UMODL1: variants seen among roughly 807,000 people sequenced by gnomAD.
The protein encoded by UMODL1 is uromodulin like 1, also known as uromodulin-like 1.
Under a neutral mutation model 136.3 loss-of-function variants are expected in UMODL1, and 128 were observed. The ratio of observed to expected loss-of-function variants is 0.94; its 90% CI spans 0.81 to 1.09. UMODL1 has a LOEUF of 1.09. UMODL1 is among the 50% of genes least tolerant of loss of function. The probability of loss-of-function intolerance (pLI) is 0.00; values close to 1 mark genes in which losing one functional copy is unlikely to be tolerated. For missense variants in UMODL1, 1,766 were observed against 1,725.6 expected, an observed-to-expected ratio of 1.02 and a Z score of -0.41; for synonymous variants, 721 against 720.0, an observed-to-expected ratio of 1.00 and a Z score of -0.02.
chr21:42,106,240 G>C (rs2066715607), intron 9 of UMODL1, among the ~76,000 whole-genome samples: 1 of 152,214 alleles, frequency 6.6e-6, no homozygotes, highest in Non-Finnish European at 1.5e-5. Context: ...CGAGGCCTGA[G>C]CCCAGCTTAC....
At chr21:42,103,726 T>C (rs1386616650) in intron 8 of UMODL1, 142 bp from the exon 9 acceptor site, 13 of 969,786 alleles carry the variant, frequency 1.3e-5, no homozygotes, top group Non-Finnish European at 2.1e-5. Flanking sequence ...CTGCGTGCTC[T>C]GAGAGGTCGG....
intron 13 of UMODL1, among the ~76,000 whole-genome samples, chr21:42,114,780 A>T (rs978934311): frequency 6.6e-6 from 1 of 152,214 alleles, no homozygotes; most frequent in African/African-American, 2.4e-5. Context: ...TGCTGGCTGG[A>T]CAGTCAGACA....
At chr21:42,083,018 G>A (rs1307622838) in intron 2 of UMODL1, among the ~76,000 whole-genome samples, 1 of 152,208 alleles carries the variant, frequency 6.6e-6, no homozygotes, top group Admixed American at 6.5e-5. Flanking sequence ...GACCCCACCG[G>A]GTTGGCCTCT....
intron 20 of UMODL1, 200 bp downstream of exon 20, chr21:42,128,031 G>A (rs1030626927): frequency 5.6e-6 from 4 of 709,462 alleles, no homozygotes; most frequent in Non-Finnish European, 9.9e-6. Flanking sequence ...GACTCATGTG[G>A]ACTGGTGGGC....
intron 11 of UMODL1, 70 bp from the exon 12 acceptor site, chr21:42,111,436 G>T (rs184368727): frequency 1.9e-6 from 3 of 1,613,744 alleles, no homozygotes; most frequent in African/African-American, 1.3e-5. Context: ...CCTCCTCCCC[G>T]AAGGCTACTG....
At chr21:42,137,296 ACCCACAGG>A in intron 21 of UMODL1, 135 bp from the exon 22 acceptor site, 1 of 1,029,290 alleles carries the variant, frequency 9.7e-7, no homozygotes, top group Non-Finnish European at 1.4e-6. Flanking sequence ...AGCTTTGGTA[ACCCACAGG>A]CACACGGGTG....
Position 42,110,900 on chromosome 21 carries a change from G to T in UMODL1, c.1678G>T (p.Gly560Cys). ...ACEGDLVSPM[G>C]GGLSAATGVT... ...GGCAGGTGACCTGGTGAGCCCCATGGGCGGTGGACTGTCTGCGGCAACAGG... is the reference window on the plus strand; with the variant it reads ...GGCAGGTGACCTGGTGAGCCCCATGTGCGGTGGACTGTCTGCGGCAACAGG... The change falls in exon 11 of 23, where the codon GGC becomes TGC. Residue 560 changes from glycine (G) to cysteine (C), a missense_variant. Coordinates refer to ENST00000408910, the MANE Select transcript of UMODL1 (RefSeq NM_001004416.3). The T allele has an allele frequency of 6.2e-7, 1 of 1,610,356 alleles. No individual in the cohort carries two copies.
At position 42,135,449 on chromosome 21, in the gene UMODL1, G is replaced by A. The variant is rs540278731; in HGVS notation, c.3776-1990G>A. On this transcript the variant is annotated intron_variant, in intron 21 of 22. Transcript: ENST00000408910. ...CAGGTCACAGAAACCTAGCTGGAGA[G>A]GTGGCAACTGAACAGGGATGGGTCT... 2.6e-5 allele frequency among the ~76,000 whole-genome samples: 4 copies of A among 152,338 alleles called. 1 individual carries two copies. The East Asian group carries it at 7.7e-4, about 29-fold the overall frequency.
In UMODL1 at chr21:42,113,617, A is replaced by T. The variant is rs772619932; in HGVS notation, c.2149A>T (p.Thr717Ser). The T allele has an allele frequency of 1.8e-5, 29 of 1,613,972 alleles. No homozygotes were observed. In the South Asian group the frequency reaches 2.2e-4, roughly 12 times the overall value. Residue 717 changes from threonine to serine, a missense_variant, in exon 13 of 23, where the codon ACC becomes TCC. Transcript: ENST00000408910. ...GATCATGGTCTCCAATGTGACCAGC[A>T]CCGGCTTCCACCTGGCATGGGAGGC... is the stretch of plus-strand genomic sequence containing the variant. ...GRIMVSNVTS[T>S]GFHLAWEADL...
upstream of UMODL1, among the ~76,000 whole-genome samples, chr21:42,070,616 C>A (rs2066221349): frequency 6.6e-6 from 1 of 152,216 alleles, no homozygotes; most frequent in Non-Finnish European, 1.5e-5. Context: ...GCTACTAAAA[C>A]TTCATGGTGA....
intron 1 of UMODL1, among the ~76,000 whole-genome samples, chr21:42,063,921 C>T (rs1470083226): frequency 1.3e-5 from 2 of 152,190 alleles, no homozygotes; most frequent in South Asian, 2.1e-4. Context: ...CGACACCCTG[C>T]GGCCCCCCAG....
At chr21:42,089,533 G>T (rs1021970486) in intron 5 of UMODL1, among the ~76,000 whole-genome samples, 1 of 152,248 alleles carries the variant, frequency 6.6e-6, no homozygotes, top group African/African-American at 2.4e-5. Flanking sequence ...GGAGAACCAT[G>T]TGGTTTCTCA....
rs922055564 is a variant in UMODL1, at chr21:42,123,573, A to G, written c.3147+423A>G. On this transcript the variant is annotated intron_variant, in intron 17 of 22. Coordinates refer to ENST00000408910, the MANE Select transcript of UMODL1 (RefSeq NM_001004416.3). This position sits in a 1 kb window ranked among gnomAD's most constrained non-coding sequence, Gnocchi z 4.4. ...TGTGCATGTGTGTGAATGTGTGTAA[A>G]TGTGTGAATCTGTGTGTGCGAATGT... 2.6e-5 allele frequency among the ~76,000 whole-genome samples: 4 copies of G among 151,064 alleles called. No homozygotes were observed. The highest frequency in any genetic ancestry group is 9.8e-5 in the African/African-American group (4 of 40,968).
At chr21:42,108,202 A>T in intron 9 of UMODL1, 1 of 450,134 alleles carries the variant, frequency 2.2e-6, no homozygotes, top group Non-Finnish European at 4.7e-6. Context: ...GGTTTGAGCC[A>T]GCGTCTTGCC....
At chr21:42,075,339 G>A (rs2066278259) in intron 1 of UMODL1, among the ~76,000 whole-genome samples, 1 of 152,146 alleles carries the variant, frequency 6.6e-6, no homozygotes, top group Non-Finnish European at 1.5e-5. Flanking sequence ...GATTACAGGT[G>A]TGAGCCACCA....
At chr21:42,121,699 G>A (rs561442649) in intron 16 of UMODL1, among the ~76,000 whole-genome samples, 2 of 152,186 alleles carry the variant, frequency 1.3e-5, no homozygotes, top group African/African-American at 4.8e-5. Context: ...AGGAATCTGC[G>A]TCAAGTGAAG....
In UMODL1 at chr21:42,085,741, G is replaced by C. The variant is rs1055043616; in HGVS notation, c.603+329G>C. On this transcript the variant is annotated intron_variant, in intron 4 of 22. Coordinates refer to ENST00000408910, the MANE Select transcript of UMODL1 (RefSeq NM_001004416.3). The surrounding 1 kb of genome is among the most constrained non-coding windows in gnomAD (Gnocchi z 4.5). ...TCCCAGCAAAGACAGCCTAAGCCCC[G>C]AGCTCTTCCCTCACCACCCTCAGTC... Among the ~76,000 whole-genome samples the C allele has an allele frequency of 6.6e-6, 1 of 152,128 alleles. No individual in the cohort carries two copies. The highest frequency in any genetic ancestry group is 1.5e-5 in the Non-Finnish European group (1 of 68,020).
At chr21:42,078,091 G>T (rs2066316416) in intron 2 of UMODL1, among the ~76,000 whole-genome samples, 1 of 152,206 alleles carries the variant, frequency 6.6e-6, no homozygotes. Flanking sequence ...CCTCTTTCAG[G>T]AGTGTTAAAA....
At chr21:42,095,883 C>T (rs1470162886) in intron 6 of UMODL1, among the ~76,000 whole-genome samples, 2 of 152,168 alleles carry the variant, frequency 1.3e-5, no homozygotes, top group Non-Finnish European at 2.9e-5. Context: ...ACCCAGGAAA[C>T]ATTACCTGTA....
Sources: gnomAD v4.1 joint callset for allele counts (sites outside exome capture counted in the v4.1 genomes callset) on GRCh38, gnomAD v4.1.1 for gene constraint, Gnocchi (gnomAD v3.1) non-coding constraint, MANE v1.5 for transcripts, NCBI Gene and HGNC (gene_info 2026-07-23, HGNC 2026-07-21) for gene names.